The following HS6ST3 variants were observed in gnomAD, a reference collection of about 807,000 sequenced individuals.
HS6ST3 encodes the protein heparan-sulfate 6-O-sulfotransferase 3.
In HS6ST3, 12 loss-of-function variants were observed where a neutral mutation model predicts 36.7. That is an observed-to-expected ratio of 0.33 (90% CI 0.21 to 0.53). The LOEUF (loss-of-function observed/expected upper bound fraction) is 0.53. HS6ST3 is among the 20% of genes least tolerant of loss of function. The pLI is 0.95. For synonymous variants in HS6ST3, 240 were observed against 257.5 expected, an observed-to-expected ratio of 0.93 and a Z score of 0.65; for missense variants, 584 against 640.9, an observed-to-expected ratio of 0.91 and a Z score of 0.96.
intron 1 of HS6ST3, among the ~76,000 whole-genome samples, chr13:96,317,347 T>A (rs35481292): frequency 0.46 from 41,525 of 90,542 alleles, 7,390 homozygotes; most frequent in South Asian, 0.55. Context: ...TATATATATA[T>A]ATATATATAT....
At chr13:96,181,161 T>A (rs1288703118) in intron 1 of HS6ST3, among the ~76,000 whole-genome samples, 2 of 152,184 alleles carry the variant, frequency 1.3e-5, no homozygotes, top group Non-Finnish European at 2.9e-5. Flanking sequence ...CTCAATATAA[T>A]CAAATTTAGC....
chr13:96,102,507 G>A (rs2053823046), intron 1 of HS6ST3, among the ~76,000 whole-genome samples: 1 of 152,044 alleles, frequency 6.6e-6, no homozygotes, highest in South Asian at 2.1e-4. Context: ...AATAAAAATA[G>A]TTAACTCTCA....
At chr13:96,829,866 A>G (rs1878737326) in intron 1 of HS6ST3, among the ~76,000 whole-genome samples, 1 of 152,176 alleles carries the variant, frequency 6.6e-6, no homozygotes, top group Non-Finnish European at 1.5e-5. Flanking sequence ...ATAACCGATA[A>G]TGAGATTGAT....
intron 1 of HS6ST3, among the ~76,000 whole-genome samples, chr13:96,281,943 T>C (rs1164834628): frequency 1.3e-5 from 2 of 152,196 alleles, no homozygotes; most frequent in Non-Finnish European, 2.9e-5. Context: ...CTTGGTGACA[T>C]AGCTGGACTT....
chr13:96,511,533 C>A (rs1202275220), intron 1 of HS6ST3, among the ~76,000 whole-genome samples: 1 of 151,874 alleles, frequency 6.6e-6, no homozygotes, highest in Non-Finnish European at 1.5e-5. Context: ...TTTCTTCCTT[C>A]ATTGAATTGC....
intron 1 of HS6ST3, among the ~76,000 whole-genome samples, chr13:96,552,090 T>A (rs894128474): frequency 6.6e-6 from 1 of 152,204 alleles, no homozygotes; most frequent in African/African-American, 2.4e-5. Context: ...AAAAGTTTAT[T>A]GCATGCATTA....
intron 1 of HS6ST3, among the ~76,000 whole-genome samples, chr13:96,709,008 A>G (rs1875496534): frequency 1.3e-5 from 2 of 152,102 alleles, no homozygotes. Flanking sequence ...GCCAAATCTC[A>G]TCTCAAATTA....
chr13:96,492,996 A>T (rs1053033215), intron 1 of HS6ST3, among the ~76,000 whole-genome samples: 1 of 152,196 alleles, frequency 6.6e-6, no homozygotes, highest in Non-Finnish European at 1.5e-5. Flanking sequence ...CACTCTGCCA[A>T]TGTTGACTTT....
At chr13:96,320,017 C>T (rs1055333351) in intron 1 of HS6ST3, among the ~76,000 whole-genome samples, 22 of 152,012 alleles carry the variant, frequency 1.4e-4, no homozygotes, top group Admixed American at 2.0e-4. Context: ...GTGAGTTTTT[C>T]GGTTTACTCC....
chr13:96,108,636 T>A (rs1441378213), intron 1 of HS6ST3, among the ~76,000 whole-genome samples: 1 of 152,120 alleles, frequency 6.6e-6, no homozygotes, highest in Non-Finnish European at 1.5e-5. Context: ...TTGTACTCTT[T>A]CCCTTTATTC....
intron 1 of HS6ST3, among the ~76,000 whole-genome samples, chr13:96,446,270 T>G (rs2055698457): frequency 6.6e-6 from 1 of 152,188 alleles, no homozygotes; most frequent in South Asian, 2.1e-4. Context: ...TTATAAAAAG[T>G]TGAGTTCCAA....
chr13:96,442,283 G>A (rs1594781286), intron 1 of HS6ST3, among the ~76,000 whole-genome samples: 1 of 152,068 alleles, frequency 6.6e-6, no homozygotes, highest in African/African-American at 2.4e-5. Flanking sequence ...CAAAGTGCTG[G>A]GATTCCAAGC....
chr13:96,609,642 C>A (rs1303238205), intron 1 of HS6ST3, among the ~76,000 whole-genome samples: 1 of 152,110 alleles, frequency 6.6e-6, no homozygotes, highest in Non-Finnish European at 1.5e-5. Flanking sequence ...CATCTTGTGC[C>A]AGATGATCCA....
intron 1 of HS6ST3, among the ~76,000 whole-genome samples, chr13:96,332,902 A>G (rs1420802203): frequency 6.6e-6 from 1 of 152,192 alleles, no homozygotes; most frequent in Non-Finnish European, 1.5e-5. Context: ...GAGGTGATTA[A>G]GTCATTAGGG....
chr13:96,521,031 A>G (rs2138927039), intron 1 of HS6ST3, among the ~76,000 whole-genome samples: 1 of 152,092 alleles, frequency 6.6e-6, no homozygotes, highest in East Asian at 1.9e-4. Flanking sequence ...TCCATAGATA[A>G]CTAGTTTTTT....
chr13:96,307,994 A>G (rs1451714157), intron 1 of HS6ST3, among the ~76,000 whole-genome samples: 3 of 152,038 alleles, frequency 2.0e-5, no homozygotes, highest in Admixed American at 2.0e-4. Context: ...AGAGAGAGAG[A>G]AGATGAAGAG....
intron 1 of HS6ST3, among the ~76,000 whole-genome samples, chr13:96,600,819 T>C (rs532000828): frequency 2.6e-5 from 4 of 152,188 alleles, no homozygotes; most frequent in Non-Finnish European, 4.4e-5. Flanking sequence ...CTTGTTTCTA[T>C]ATTTAGAACT....
chr13:96,482,529 G>T (rs2055894877), intron 1 of HS6ST3, among the ~76,000 whole-genome samples: 1 of 148,434 alleles, frequency 6.7e-6, no homozygotes. Context: ...CTTTTTATCT[G>T]GTCTCCTCTG....
intron 1 of HS6ST3, among the ~76,000 whole-genome samples, chr13:96,281,110 A>G (rs942768670): frequency 4.6e-5 from 7 of 151,970 alleles, no homozygotes; most frequent in Admixed American, 1.3e-4. Flanking sequence ...GGTTCAAGCG[A>G]TTCTCCTGCC....
Sources: gnomAD v4.1 joint callset for allele counts (sites outside exome capture counted in the v4.1 genomes callset) on GRCh38, gnomAD v4.1.1 for gene constraint, MANE v1.5 for transcripts, NCBI Gene and HGNC (gene_info 2026-07-23, HGNC 2026-07-21) for gene names.